SCNN1B: variants seen among roughly 807,000 people sequenced by gnomAD.
SCNN1B encodes epithelial sodium channel subunit beta.
A neutral mutation model predicts 65.3 loss-of-function variants in SCNN1B; 46 were observed. That is an observed-to-expected ratio of 0.70 (90% confidence interval 0.56 to 0.90). The LOEUF is 0.90. SCNN1B is among the 40% of genes least tolerant of loss of function. SCNN1B has a pLI of 0.00. For synonymous variants in SCNN1B, 349 were observed against 330.6 expected, an observed-to-expected ratio of 1.06 and a Z score of -0.60; for missense variants, 751 against 830.5, an observed-to-expected ratio of 0.90 and a Z score of 1.18.
rs890783448 is a variant in SCNN1B at position 23,366,104 on chromosome 16, G to A, written c.777-1752G>A. On this transcript the variant is annotated intron_variant, in intron 4 of 12. Transcript: ENST00000343070. ...GTGAATGTTTGCTGTGGAGCATAAGGCTTCAAAGACAATACTGCATGGCAG... is the reference window on the plus strand; with the variant it reads ...GTGAATGTTTGCTGTGGAGCATAAGACTTCAAAGACAATACTGCATGGCAG... Among the ~76,000 whole-genome samples, 3 of 152,208 alleles carry A rather than the reference G, an allele frequency of 2.0e-5. 1 individual carries two copies. Among genetic ancestry groups the A allele is most frequent in the East Asian group, 3.8e-4 (2 of 5,206 alleles).
intron 3 of SCNN1B, among the ~76,000 whole-genome samples, chr16:23,353,735 A>T (rs1962360597): frequency 1.3e-5 from 2 of 152,254 alleles, no homozygotes; most frequent in Admixed American, 1.3e-4. Flanking sequence ...AGATAGGGGC[A>T]TAAATATTGG....
intron 1 of SCNN1B, among the ~76,000 whole-genome samples, chr16:23,320,690 C>T (rs1961569083): frequency 6.6e-6 from 1 of 152,244 alleles, no homozygotes; most frequent in Non-Finnish European, 1.5e-5. Context: ...CTCTGAGGAG[C>T]TCTCACATTA....
intron 5 of SCNN1B, among the ~76,000 whole-genome samples, chr16:23,370,670 T>A (rs1962763402): frequency 6.6e-6 from 1 of 152,106 alleles, no homozygotes; most frequent in African/African-American, 2.4e-5. Context: ...CCCTGACACC[T>A]CGTCTGAGCC....
chr16:23,307,483 C>G (rs1356231468), intron 1 of SCNN1B, among the ~76,000 whole-genome samples: 1 of 151,942 alleles, frequency 6.6e-6, no homozygotes, highest in East Asian at 1.9e-4. Flanking sequence ...CCATGCCCAG[C>G]TAATTTTTGT....
chr16:23,366,615 T>A (rs1962675411), intron 4 of SCNN1B, among the ~76,000 whole-genome samples: 1 of 152,002 alleles, frequency 6.6e-6, no homozygotes, highest in South Asian at 2.1e-4. Flanking sequence ...GTGCCTGTAA[T>A]CCCAGCTACT....
At chr16:23,372,573 C>A (rs562015080) in intron 7 of SCNN1B, among the ~76,000 whole-genome samples, 1 of 150,872 alleles carries the variant, frequency 6.6e-6, no homozygotes, top group South Asian at 2.1e-4. Context: ...TGGCTCACTG[C>A]AACCTCCGCC....
At chr16:23,303,852 G>A in intron 1 of SCNN1B, 1 of 588,416 alleles carries the variant, frequency 1.7e-6, no homozygotes. Context: ...CCAGGAGGTG[G>A]AGGTTGCAGT....
At chr16:23,330,215 G>C (rs1038904868) in intron 1 of SCNN1B, among the ~76,000 whole-genome samples, 58 of 152,192 alleles carry the variant, frequency 3.8e-4, no homozygotes, top group African/African-American at 1.4e-3. Flanking sequence ...CGACTCGGCA[G>C]GTGGAGCATG....
intron 1 of SCNN1B, chr16:23,323,581 G>A (rs906538443): frequency 2.7e-5 from 19 of 702,884 alleles, no homozygotes; most frequent in Non-Finnish European, 4.4e-5. Flanking sequence ...CAGAGAGGGT[G>A]AGTAAATTCC....
chr16:23,376,615 G>A (rs1381878272), intron 8 of SCNN1B, among the ~76,000 whole-genome samples: 1 of 151,870 alleles, frequency 6.6e-6, no homozygotes, highest in Non-Finnish European at 1.5e-5. Context: ...TCCAACCACC[G>A]AAGAATTTTG....
At chr16:23,374,801 G>A (rs1461447024) in intron 7 of SCNN1B, among the ~76,000 whole-genome samples, 1 of 151,816 alleles carries the variant, frequency 6.6e-6, no homozygotes, top group Non-Finnish European at 1.5e-5. Context: ...GGAGGGGCGG[G>A]GCCGAGTGGA....
intron 1 of SCNN1B, among the ~76,000 whole-genome samples, chr16:23,343,754 T>C (rs1398334400): frequency 1.3e-5 from 2 of 152,178 alleles, no homozygotes; most frequent in African/African-American, 4.8e-5. Flanking sequence ...TCAGGGCCAA[T>C]GTATAGTCAG....
chr16:23,362,893 CCA>C (rs1392203889), intron 4 of SCNN1B, among the ~76,000 whole-genome samples: 2 of 152,186 alleles, frequency 1.3e-5, no homozygotes, highest in Non-Finnish European at 2.9e-5. Context: ...AGCCCTGATC[CCA>C]CAGTTTATAG....
intron 4 of SCNN1B, among the ~76,000 whole-genome samples, chr16:23,362,741 A>G (rs1458450668): frequency 1.3e-5 from 2 of 152,250 alleles, no homozygotes; most frequent in Non-Finnish European, 2.9e-5. Context: ...CACCCCATGC[A>G]GCCTCCTGCT....
Position 23,360,201 on chromosome 16 carries a change from A to AAAATAAAAAAATAAAT in SCNN1B, c.776+4719_776+4720insAAAATAAATAAATAAA, listed in dbSNP as rs1555488434. On this transcript the variant is annotated intron_variant, in intron 4 of 12. Transcript: ENST00000343070. ...AGAGAGAGCGAGACTCCATCTCAAA[A>AAAATAAAAAAATAAAT]AAATAAATAAATAAATAAATAAATA... 3.7e-3 allele frequency among the ~76,000 whole-genome samples: 494 copies of AAAATAAAAAAATAAAT among 132,844 alleles called. 1 individual carries two copies. Among genetic ancestry groups the AAAATAAAAAAATAAAT allele is most frequent in the Middle Eastern group, 8.1e-3 (2 of 246 alleles). 87.2% of individuals were successfully genotyped at this position (132,844 alleles called of 152,430 possible).
chr16:23,319,095 C>G (rs1356144596), intron 1 of SCNN1B, among the ~76,000 whole-genome samples: 1 of 150,732 alleles, frequency 6.6e-6, no homozygotes, highest in Non-Finnish European at 1.5e-5. Context: ...GGCTGGAGTG[C>G]AGTGGCGCGA....
intron 7 of SCNN1B, 90 bp from the exon 8 acceptor site, chr16:23,375,648 C>T: frequency 5.4e-6 from 5 of 924,150 alleles, no homozygotes; most frequent in Non-Finnish European, 9.1e-6. Context: ...TTAACTTGGG[C>T]ATCACTTCTC....
chr16:23,299,059 C>CTTTTTTTT (rs552336545), upstream of SCNN1B, among the ~76,000 whole-genome samples: 7 of 130,552 alleles, frequency 5.4e-5, no homozygotes, highest in East Asian at 2.2e-4. Flanking sequence ...TTTTCTTTTT[C>CTTTTTTTT]TTTTTTTTTT....
intron 2 of SCNN1B, among the ~76,000 whole-genome samples, chr16:23,291,462 A>G (rs144530839): frequency 3.7e-4 from 50 of 136,538 alleles, no homozygotes; most frequent in African/African-American, 1.1e-3. Flanking sequence ...CCATATATAT[A>G]TGTGTGTGTG....
Sources: gnomAD v4.1 joint callset for allele counts (sites outside exome capture counted in the v4.1 genomes callset) on GRCh38, gnomAD v4.1.1 for gene constraint, MANE v1.5 for transcripts, NCBI Gene and HGNC (gene_info 2026-07-23, HGNC 2026-07-21) for gene names.